Variants in PRIM2 observed in about 807,000 individuals in gnomAD.
The protein encoded by PRIM2 is DNA primase subunit 2.
PRIM2 carries 39 observed loss-of-function variants against 67.3 expected under a neutral mutation model. The ratio of observed to expected loss-of-function variants is 0.58; its 90% confidence interval spans 0.45 to 0.76. PRIM2 has a LOEUF of 0.76. PRIM2 is among the 30% of genes least tolerant of loss of function. The pLI is 0.00. For synonymous variants in PRIM2, 143 were observed against 198.7 expected (o/e 0.72, Z 2.36); for missense variants, 398 against 598.7 (o/e 0.66, Z 3.50).
At chr6:57,365,740 G>A (rs1471561615) in intron 5 of PRIM2, among the ~76,000 whole-genome samples, 2 of 152,086 alleles carry the variant, frequency 1.3e-5, no homozygotes, top group Non-Finnish European at 2.9e-5. Flanking sequence ...CAGGAGGATT[G>A]TTTGAGCTAA....
chr6:57,639,620 A>ACTCCTCTACACAAATAAG (rs1777190060), intron 13 of PRIM2, among the ~76,000 whole-genome samples: 1 of 78,722 alleles, frequency 1.3e-5, no homozygotes, highest in African/African-American at 6.1e-5. Context: ...AATACTGTAA[A>ACTCCTCTACACAAATAAG]CTAGAAAGTT....
rs1415761792 is a variant in PRIM2, at chr6:57,386,397, G to A, written c.693+4229G>A. ...CATGCCATTGCACCCCAGCTTGGGC[G>A]ACAGAGTGATACCCTGTCTCAAAAA... On this transcript the variant is annotated intron_variant, in intron 7 of 13. Coordinates refer to ENST00000615550, the MANE Select transcript of PRIM2 (RefSeq NM_000947.5). Among the ~76,000 whole-genome samples the A allele has an allele frequency of 3.3e-5, 4 of 123,040 alleles. No homozygotes were observed. In the East Asian group the frequency reaches 6.9e-4, roughly 21 times the overall value. The allele number at this position is 123,040 out of a possible 152,430, so 80.7% of individuals were successfully genotyped here.
chr6:57,596,959 T>C (rs1427803303), intron 10 of PRIM2, among the ~76,000 whole-genome samples: 2 of 151,934 alleles, frequency 1.3e-5, no homozygotes, highest in African/African-American at 4.8e-5. Context: ...TAAGTTAAAA[T>C]CCCTTGAAGC....
At chr6:57,254,666 C>A in the PRIM2 span, among the ~76,000 whole-genome samples, 3 of 151,966 alleles carry the variant, frequency 2.0e-5, no homozygotes, top group Non-Finnish European at 4.4e-5. Context: ...TAGGATTAAA[C>A]AAGTTTTATT....
chr6:57,359,358 C>A (rs538122825), intron 5 of PRIM2, among the ~76,000 whole-genome samples: 2 of 152,236 alleles, frequency 1.3e-5, no homozygotes, highest in South Asian at 2.1e-4. Context: ...CCACCTGAGC[C>A]CAGCCTTTTA....
the PRIM2 span, among the ~76,000 whole-genome samples, chr6:57,284,193 G>T: frequency 6.6e-6 from 1 of 152,142 alleles, no homozygotes; most frequent in African/African-American, 2.4e-5. Context: ...CTACTTGGGA[G>T]AATATTTCAT....
intron 7 of PRIM2, among the ~76,000 whole-genome samples, chr6:57,398,846 A>G (rs1373078085): frequency 6.6e-6 from 1 of 152,116 alleles, no homozygotes; most frequent in East Asian, 1.9e-4. Context: ...GAGTGCATAT[A>G]TATTTAGGAT....
At chr6:57,505,892 A>C (rs1554347205) in intron 7 of PRIM2, among the ~76,000 whole-genome samples, 7 of 151,948 alleles carry the variant, frequency 4.6e-5, no homozygotes, top group Admixed American at 6.6e-5. Context: ...GTTTTCAGAG[A>C]ACTGACTTTT....
intron 7 of PRIM2, among the ~76,000 whole-genome samples, chr6:57,443,989 C>T (rs539499831): frequency 9.5e-4 from 145 of 152,230 alleles, no homozygotes; most frequent in Non-Finnish European, 1.8e-3. Flanking sequence ...ATGTGGAAAT[C>T]CAGTTTTCCC....
chr6:57,342,074 A>G (rs1768512196), intron 5 of PRIM2, among the ~76,000 whole-genome samples: 1 of 152,184 alleles, frequency 6.6e-6, no homozygotes, highest in African/African-American at 2.4e-5. Flanking sequence ...CCTTCGATGG[A>G]GAAATATGTA....
At position 57,345,810 on chromosome 6, in the gene PRIM2, A is replaced by T. The variant is rs140529304; in HGVS notation, c.459+19765A>T. Among the ~76,000 whole-genome samples the T allele has an allele frequency of 6.3e-3, 959 of 152,334 alleles. 2 individuals carry two copies. Among genetic ancestry groups the T allele is most frequent in the Non-Finnish European group, 9.6e-3 (652 of 68,036 alleles). On this transcript the variant is annotated intron_variant, in intron 5 of 13. Transcript: ENST00000615550. Reference sequence around the variant, plus strand: ...CTATTTTTAAGGTTATTTCTTGATCATATGCTAAACAAGAGGTGGATTATT... The same window carrying T: ...CTATTTTTAAGGTTATTTCTTGATCTTATGCTAAACAAGAGGTGGATTATT...
rs1477177173 is a variant in PRIM2, at chr6:57,381,998, T to C, written c.556-33T>C. The C allele has an allele frequency of 2.5e-6, 4 of 1,579,410 alleles. No homozygotes were observed. The African/African-American group carries it at 5.4e-5, about 21-fold the overall frequency. ...CTTAGGATTTCTTAATGACAGGTGC[T>C]GACTTATTTTGCCTGTTTTACTCTT... On this transcript the variant is annotated intron_variant, in intron 6 of 13. Transcript: ENST00000615550.
rs1554347765 is a variant in PRIM2 at position 57,512,082 on chromosome 6, C to T, written c.761+4628C>T. ...GTGCGGGAGTTGGGATATGAGAAAC[C>T]GGTAAAAATACCAGGGAGGAGCCTT... On this transcript the variant is annotated intron_variant, in intron 8 of 13. Transcript: ENST00000615550. Among the ~76,000 whole-genome samples the T allele has an allele frequency of 2.2e-3, 329 of 152,090 alleles. 1 individual carries two copies. Among genetic ancestry groups the T allele is most frequent in the South Asian group, 1.2e-3 (6 of 4,814 alleles).
At chr6:57,501,195 AAAAAG>A (rs1352336706) in intron 7 of PRIM2, among the ~76,000 whole-genome samples, 2 of 152,226 alleles carry the variant, frequency 1.3e-5, no homozygotes, top group African/African-American at 4.8e-5. Flanking sequence ...AGGGAAGTCT[AAAAAG>A]AAAAAATATT....
Position 57,419,983 on chromosome 6 carries a change from C to T in PRIM2, c.693+37815C>T, listed in dbSNP as rs1367773464. 5.9e-5 allele frequency among the ~76,000 whole-genome samples: 9 copies of T among 152,072 alleles called. No individual in the cohort carries two copies. The South Asian group carries it at 6.2e-4, about 11-fold the overall frequency. On this transcript the variant is annotated intron_variant, in intron 7 of 13. Coordinates refer to ENST00000615550, the MANE Select transcript of PRIM2 (RefSeq NM_000947.5). ...GGAACTGAGGAAACAGAATCTTCATCGAGCTTTTGTGTTTGGTGGTGGCAG... is the reference window on the plus strand; with the variant it reads ...GGAACTGAGGAAACAGAATCTTCATTGAGCTTTTGTGTTTGGTGGTGGCAG...
intron 10 of PRIM2, among the ~76,000 whole-genome samples, chr6:57,595,323 G>GA (rs1389996855): frequency 6.6e-6 from 1 of 152,122 alleles, no homozygotes; most frequent in Non-Finnish European, 1.5e-5. Flanking sequence ...TGTATGGTAG[G>GA]AAAAAACCAA....
At chr6:57,492,542 T>TAA (rs1446103302) in intron 7 of PRIM2, among the ~76,000 whole-genome samples, 126 of 146,922 alleles carry the variant, frequency 8.6e-4, no homozygotes, top group African/African-American at 3.1e-3. Flanking sequence ...GAACTCTCTC[T>TAA]AAAAAAAAAA....
At chr6:57,422,234 A>G (rs1385330546) in intron 7 of PRIM2, among the ~76,000 whole-genome samples, 2 of 130,150 alleles carry the variant, frequency 1.5e-5, no homozygotes, top group East Asian at 4.5e-4. Context: ...GGCTCACTGC[A>G]ACCTCTGCCT....
intron 10 of PRIM2, among the ~76,000 whole-genome samples, chr6:57,588,487 T>C (rs1411620867): frequency 1.3e-5 from 2 of 151,180 alleles, no homozygotes; most frequent in East Asian, 2.0e-4. Flanking sequence ...CATTTGCTTC[T>C]CTGGAGGAAA....
Sources: gnomAD v4.1 joint callset for allele counts (sites outside exome capture counted in the v4.1 genomes callset) on GRCh38, gnomAD v4.1.1 for gene constraint, MANE v1.5 for transcripts, NCBI Gene and HGNC (gene_info 2026-07-23, HGNC 2026-07-21) for gene names.